The following OR51B5 variants were observed in gnomAD, a reference collection of about 807,000 sequenced individuals.
OR51B5 encodes the protein olfactory receptor family 51 subfamily B member 5, also known as olfactory receptor 51B5.
For missense variants in OR51B5, 456 were observed against 374.6 expected, an observed-to-expected ratio of 1.22 and a Z score of -1.79; for synonymous variants, 186 against 144.8, an observed-to-expected ratio of 1.28 and a Z score of -2.04.
In OR51B5 at chr11:5,501,930, C is replaced by G. The variant is rs911189169; in HGVS notation, n.84+3639G>C. Among the ~76,000 whole-genome samples the G allele has an allele frequency of 1.1e-4, 13 of 121,214 alleles. 1 individual carries two copies. Among genetic ancestry groups the G allele is most frequent in the African/African-American group, 3.3e-4 (13 of 39,180 alleles). The allele number at this position is 121,214 out of a possible 152,430, so 79.5% of individuals were successfully genotyped here. Reference sequence around the variant, plus strand: ...ATCCCTCCCCCAGCGCCCCCAACCCCCGACAGGCCCGGTGTGTGATGTTCC... The same window carrying G: ...ATCCCTCCCCCAGCGCCCCCAACCCGCGACAGGCCCGGTGTGTGATGTTCC... On this transcript the variant is annotated intron_variant and non_coding_transcript_variant, in intron 1 of 4. Transcript: ENST00000415970.
chr11:5,368,853 A>G (rs2133704879), intron 1 of OR51B5, among the ~76,000 whole-genome samples: 1 of 152,284 alleles, frequency 6.6e-6, no homozygotes, highest in Non-Finnish European at 1.5e-5. Flanking sequence ...AAGATGTTGG[A>G]ATTTACACCA....
intron 1 of OR51B5, among the ~76,000 whole-genome samples, chr11:5,358,131 TAACTAAAATCAGAGCAGAACTG>T: frequency 6.6e-6 from 1 of 151,200 alleles, no homozygotes; most frequent in Non-Finnish European, 1.5e-5. Context: ...AGGCAAGAAA[TAACTAAAATCAGAGCAGAACTG>T]AAGGAAATAG....
chr11:5,461,903 C>T (rs10838150), intron 1 of OR51B5, among the ~76,000 whole-genome samples: 45,667 of 152,008 alleles, frequency 0.3, 7,022 homozygotes, highest in East Asian at 0.43. Flanking sequence ...GCCTTCTTTC[C>T]GAAGATCTGT....
chr11:5,497,467 A>G (rs1328278386), intron 1 of OR51B5, among the ~76,000 whole-genome samples: 2 of 152,184 alleles, frequency 1.3e-5, no homozygotes, highest in Admixed American at 1.3e-4. Context: ...TGAGTCCACT[A>G]TTGGTGATGT....
chr11:5,430,894 C>T (rs1241861886), intron 1 of OR51B5: 4 of 456,998 alleles, frequency 8.8e-6, no homozygotes, highest in African/African-American at 8.0e-5. Flanking sequence ...GAGAGCCTTC[C>T]ACCGTCCCTC....
chr11:5,462,451 T>A (rs1851071349), intron 1 of OR51B5, among the ~76,000 whole-genome samples: 1 of 152,182 alleles, frequency 6.6e-6, no homozygotes, highest in African/African-American at 2.4e-5. Flanking sequence ...ATTTTCTGAT[T>A]ACCACAAAGA....
intron 1 of OR51B5, among the ~76,000 whole-genome samples, chr11:5,402,441 T>C (rs1849984936): frequency 6.6e-6 from 1 of 152,352 alleles, no homozygotes; most frequent in Non-Finnish European, 1.5e-5. Context: ...CATTTGTCAG[T>C]TTTTAGAAAT....
chr11:5,413,695 G>C (rs1405683091), intron 1 of OR51B5, among the ~76,000 whole-genome samples: 1 of 152,134 alleles, frequency 6.6e-6, no homozygotes, highest in Non-Finnish European at 1.5e-5. Flanking sequence ...GATGGAAGAT[G>C]AAATGAATGA....
intron 1 of OR51B5, among the ~76,000 whole-genome samples, chr11:5,443,061 A>T (rs1472484138): frequency 1.8e-4 from 28 of 152,182 alleles, no homozygotes; most frequent in Admixed American, 1.8e-3. Context: ...AATAGTCAGA[A>T]TGATGCAAAC....
intron 1 of OR51B5, among the ~76,000 whole-genome samples, chr11:5,386,891 A>G (rs1441444161): frequency 1.3e-5 from 2 of 152,164 alleles, no homozygotes; most frequent in Non-Finnish European, 2.9e-5. Context: ...AATATTATAA[A>G]AAATGCATAA....
intron 1 of OR51B5, among the ~76,000 whole-genome samples, chr11:5,369,923 G>A (rs1374681967): frequency 6.6e-6 from 1 of 152,172 alleles, no homozygotes; most frequent in Non-Finnish European, 1.5e-5. Flanking sequence ...GAAAGAAAGG[G>A]AAGACATTTT....
chr11:5,355,861 C>G (rs574099965), intron 1 of OR51B5, among the ~76,000 whole-genome samples: 2 of 151,938 alleles, frequency 1.3e-5, no homozygotes, highest in Non-Finnish European at 2.9e-5. Context: ...GTGACATAGG[C>G]GTCAATATAC....
At chr11:5,377,102 C>T (rs1589962389) in intron 1 of OR51B5, among the ~76,000 whole-genome samples, 1 of 152,086 alleles carries the variant, frequency 6.6e-6, no homozygotes, top group East Asian at 1.9e-4. Flanking sequence ...CATCAAAAAG[C>T]TTATCCACGA....
At chr11:5,489,399 T>C in intron 1 of OR51B5, 1 of 1,613,910 alleles carries the variant, frequency 6.2e-7, no homozygotes, top group East Asian at 2.2e-5. Context: ...TCTTTCATCT[T>C]CCATCTCATG....
chr11:5,404,233 A>G (rs890314767), intron 1 of OR51B5, among the ~76,000 whole-genome samples: 10 of 152,006 alleles, frequency 6.6e-5, no homozygotes, highest in Non-Finnish European at 1.0e-4. Context: ...AAATGCACCA[A>G]TCAGTTCTCT....
At chr11:5,434,609 A>C (rs998579404) in intron 1 of OR51B5, among the ~76,000 whole-genome samples, 3 of 152,220 alleles carry the variant, frequency 2.0e-5, no homozygotes, top group Non-Finnish European at 4.4e-5. Flanking sequence ...TTCAGCAGGA[A>C]GTAAGAATCA....
At chr11:5,476,450 C>T (rs1474496202) in intron 1 of OR51B5, among the ~76,000 whole-genome samples, 1 of 152,118 alleles carries the variant, frequency 6.6e-6, no homozygotes, top group Non-Finnish European at 1.5e-5. Flanking sequence ...TATCATACTC[C>T]AAGGATTCCC....
intron 1 of OR51B5, among the ~76,000 whole-genome samples, chr11:5,499,749 T>C (rs1213326375): frequency 6.6e-6 from 1 of 152,184 alleles, no homozygotes; most frequent in Non-Finnish European, 1.5e-5. Context: ...AGTACTGTTA[T>C]GACACAAGTC....
At chr11:5,420,967 T>G (rs1850324878) in intron 1 of OR51B5, among the ~76,000 whole-genome samples, 1 of 152,246 alleles carries the variant, frequency 6.6e-6, no homozygotes, top group South Asian at 2.1e-4. Context: ...CTTGCCCCTG[T>G]AAACTCTATC....
Sources: allele counts gnomAD v4.1 joint callset (sites outside exome capture counted in the v4.1 genomes callset), GRCh38; gene constraint gnomAD v4.1.1; transcripts MANE v1.5; gene names NCBI Gene and HGNC (gene_info 2026-07-23, HGNC 2026-07-21).